RNF130: variants seen among roughly 807,000 people sequenced by gnomAD.
RNF130 encodes ring finger protein 130, also known as E3 ubiquitin-protein ligase RNF130.
Under a neutral mutation model 44.6 loss-of-function variants are expected in RNF130, and 21 were observed. That is an observed-to-expected ratio of 0.47 (90% CI 0.33 to 0.68). RNF130 has a LOEUF of 0.68. Among genes scored for constraint, RNF130 ranks in the 30% least tolerant of loss-of-function variants. The pLI is 0.02. For synonymous variants in RNF130, 214 were observed against 210.4 expected (o/e 1.02, Z -0.15); for missense variants, 479 against 560.6 (o/e 0.85, Z 1.47).
chr5:180,008,943 C>T (rs1319001975), intron 3 of RNF130, among the ~76,000 whole-genome samples: 3 of 151,312 alleles, frequency 2.0e-5, no homozygotes, highest in African/African-American at 7.3e-5. Flanking sequence ...ACATACTTCT[C>T]AGTAATGTAT....
intron 3 of RNF130, chr5:179,980,521 T>C (rs976941198): frequency 2.0e-5 from 6 of 294,938 alleles, no homozygotes; most frequent in African/African-American, 2.2e-5. Context: ...ATCACAGCAC[T>C]ATCAAACCTA....
intron 3 of RNF130, among the ~76,000 whole-genome samples, chr5:180,009,575 G>A (rs142669002): frequency 1.8e-4 from 28 of 152,332 alleles, no homozygotes; most frequent in Middle Eastern, 3.4e-3. Flanking sequence ...AAAACACCAA[G>A]TGCTGTCGAG....
chr5:179,995,853 A>G (rs899699237), intron 3 of RNF130, among the ~76,000 whole-genome samples: 3 of 152,196 alleles, frequency 2.0e-5, no homozygotes, highest in East Asian at 3.9e-4. Context: ...CAATTCCTGT[A>G]TTCCTTCTTG....
chr5:180,045,413 G>A (rs1382177699), intron 1 of RNF130, among the ~76,000 whole-genome samples: 1 of 152,188 alleles, frequency 6.6e-6, no homozygotes, highest in African/African-American at 2.4e-5. Flanking sequence ...TGAAGCTGCA[G>A]ACCTTCTCAG....
Position 179,955,398 on chromosome 5 carries a change from C to G in RNF130, c.*256G>C, listed in dbSNP as rs1434853535. 2.5e-6 allele frequency: 1 copy of G among 402,402 alleles called. No individual in the cohort carries two copies. Among genetic ancestry groups the G allele is most frequent in the African/African-American group, 2.0e-5 (1 of 48,832 alleles). The allele number at this position is 402,402 out of a possible 1,614,324, so 24.9% of individuals were successfully genotyped here. On this transcript the variant is annotated 3_prime_UTR_variant, in exon 9 of 9. Coordinates refer to ENST00000521389, the MANE Select transcript of RNF130 (RefSeq NM_018434.6). Reference sequence around the variant, plus strand: ...AGGAGCACATTCTGTCTCTGAAACACAAACAAATGCAATCTGGGTCTGCGA... The same window carrying G: ...AGGAGCACATTCTGTCTCTGAAACAGAAACAAATGCAATCTGGGTCTGCGA...
At chr5:180,001,815 G>A (rs748117154) in intron 3 of RNF130, among the ~76,000 whole-genome samples, 9 of 152,210 alleles carry the variant, frequency 5.9e-5, no homozygotes, top group Non-Finnish European at 1.0e-4. Flanking sequence ...TCTCCAAGAG[G>A]AAGGTTATCT....
intron 1 of RNF130, among the ~76,000 whole-genome samples, chr5:180,053,581 T>C (rs1360884707): frequency 6.6e-6 from 1 of 152,168 alleles, no homozygotes; most frequent in Non-Finnish European, 1.5e-5. Flanking sequence ...TTGCCAGTAA[T>C]GATAGGAACA....
chr5:179,999,492 C>T lies in RNF130; in HGVS notation c.693+13569G>A, dbSNP rs561482807. On this transcript the variant is annotated intron_variant, in intron 3 of 8. Transcript: ENST00000521389. ...ATCCCAGCACTTTGGGAAACCAAGACGGGCGGATCACCTGAGGTCAGGATT... is the reference window on the plus strand; with the variant it reads ...ATCCCAGCACTTTGGGAAACCAAGATGGGCGGATCACCTGAGGTCAGGATT... 6.6e-5 allele frequency among the ~76,000 whole-genome samples: 10 copies of T among 152,092 alleles called. No homozygotes were observed. In the East Asian group the frequency reaches 1.4e-3, roughly 21 times the overall value.
intron 2 of RNF130, among the ~76,000 whole-genome samples, chr5:180,036,124 T>G (rs1764244706): frequency 1.3e-5 from 2 of 152,136 alleles, no homozygotes; most frequent in African/African-American, 4.8e-5. Flanking sequence ...TTTTAGACAG[T>G]ATATTGTAGC....
At chr5:179,991,256 T>C (rs1388635235) in intron 3 of RNF130, among the ~76,000 whole-genome samples, 2 of 152,220 alleles carry the variant, frequency 1.3e-5, no homozygotes, top group Admixed American at 6.5e-5. Context: ...ACACTGACTT[T>C]AAGCAATCTG....
chr5:180,005,671 C>A (rs755934472), intron 3 of RNF130, among the ~76,000 whole-genome samples: 3 of 152,168 alleles, frequency 2.0e-5, no homozygotes, highest in Non-Finnish European at 4.4e-5. Context: ...AGTCTTAATT[C>A]ATCCTTTAAA....
intron 5 of RNF130, among the ~76,000 whole-genome samples, chr5:179,974,736 A>G (rs940483306): frequency 3.3e-5 from 5 of 152,240 alleles, no homozygotes; most frequent in Non-Finnish European, 5.9e-5. Context: ...CTGGACTGGG[A>G]AATGCGAGTG....
chr5:179,990,970 C>A (rs1302764000), intron 3 of RNF130, among the ~76,000 whole-genome samples: 1 of 152,164 alleles, frequency 6.6e-6, no homozygotes, highest in Non-Finnish European at 1.5e-5. Context: ...ATTGGAATAG[C>A]TCGTGCCCTC....
At chr5:179,999,877 T>C (rs566627722) in intron 3 of RNF130, among the ~76,000 whole-genome samples, 4 of 152,340 alleles carry the variant, frequency 2.6e-5, no homozygotes, top group African/African-American at 9.6e-5. Flanking sequence ...GGTGAGGACT[T>C]ATTCCTATCA....
intron 5 of RNF130, among the ~76,000 whole-genome samples, chr5:179,976,550 G>C (rs1183252267): frequency 6.6e-6 from 1 of 152,174 alleles, no homozygotes; most frequent in Non-Finnish European, 1.5e-5. Context: ...TGTGAAGGAA[G>C]ACTGGCTGTT....
At chr5:180,010,873 AC>A (rs1763578598) in intron 3 of RNF130, among the ~76,000 whole-genome samples, 1 of 152,186 alleles carries the variant, frequency 6.6e-6, no homozygotes, top group African/African-American at 2.4e-5. Context: ...CTAAAGACAG[AC>A]ACACACATAC....
At chr5:180,000,886 T>C (rs988435373) in intron 3 of RNF130, among the ~76,000 whole-genome samples, 6 of 152,194 alleles carry the variant, frequency 3.9e-5, no homozygotes, top group Admixed American at 1.3e-4. Flanking sequence ...TTTTTTCCCA[T>C]TGGAGTGTGT....
intron 1 of RNF130, 104 bp downstream of exon 1, chr5:180,071,345 CGGCCGGG>C: frequency 9.2e-7 from 1 of 1,088,870 alleles, no homozygotes; most frequent in Non-Finnish European, 1.2e-6. Context: ...CTGGGGCTGT[CGGCCGGG>C]CAGCGCGGGA....
At chr5:179,966,740 C>G in intron 7 of RNF130, 66 bp downstream of exon 7, 2 of 1,453,916 alleles carry the variant, frequency 1.4e-6, no homozygotes, top group Admixed American at 3.9e-5. Context: ...CTTGACTCTC[C>G]TGATGGTCCC....
Sources: allele counts gnomAD v4.1 joint callset (sites outside exome capture counted in the v4.1 genomes callset), GRCh38; gene constraint gnomAD v4.1.1; transcripts MANE v1.5; gene names NCBI Gene and HGNC (gene_info 2026-07-23, HGNC 2026-07-21).